The following ADGRV1 variants were observed in gnomAD, a reference collection of about 807,000 sequenced individuals.
The protein encoded by ADGRV1 is G-protein coupled receptor 98.
ADGRV1 carries 359 observed loss-of-function variants against 596.2 expected under a neutral mutation model. The observed-to-expected ratio is 0.60, with a 90% CI of 0.55 to 0.66. The LOEUF (loss-of-function observed/expected upper bound fraction) is 0.66, where lower values mean the gene tolerates loss of function less well. Among genes scored for constraint, ADGRV1 ranks in the 30% least tolerant of loss-of-function variants. The pLI, the probability that ADGRV1 is intolerant of heterozygous loss-of-function variation, is 0.00. For missense variants in ADGRV1, 7,274 were observed against 7,575.6 expected, an observed-to-expected ratio of 0.96 and a Z score of 1.48; for synonymous variants, 2,681 against 2,679.2, an observed-to-expected ratio of 1.00 and a Z score of -0.02.
chr5:90,915,031 A>G (rs1351018307), intron 83 of ADGRV1, among the ~76,000 whole-genome samples: 1 of 152,184 alleles, frequency 6.6e-6, no homozygotes, highest in Admixed American at 6.5e-5. Flanking sequence ...AATATACCAA[A>G]TATCTCCATA....
Position 90,647,593 on chromosome 5 carries a change from A to G in ADGRV1, c.3118A>G (p.Thr1040Ala). 2 of 1,613,952 alleles carry G rather than the reference A, an allele frequency of 1.2e-6. No homozygotes were observed. The highest frequency in any genetic ancestry group is 1.7e-6 in the Non-Finnish European group (2 of 1,179,850). ...VDVTCMVQYA[T>A]KDGKATARER... ...TGTGACTTGCATGGTCCAGTATGCT[A>G]CCAAGGATGGGAAGGCTACTGCAAG... The change falls in exon 17 of 90, where the codon ACC becomes GCC. Residue 1040 changes from threonine to alanine, a missense_variant. This residue lies in a region of ADGRV1 where 1,715 missense variants were observed against 1,708.8 expected (regional missense o/e 1.00). Coordinates refer to ENST00000405460, the MANE Select transcript of ADGRV1 (RefSeq NM_032119.4).
intron 1 of ADGRV1, among the ~76,000 whole-genome samples, chr5:90,588,472 C>T (rs79257813): frequency 0.016 from 2,390 of 152,194 alleles, 32 homozygotes; most frequent in Non-Finnish European, 0.022. Flanking sequence ...ATTTGGGAGA[C>T]GGTATTTTAA....
At chr5:90,618,525 A>G (rs1192676217) in intron 3 of ADGRV1, among the ~76,000 whole-genome samples, 4 of 152,154 alleles carry the variant, frequency 2.6e-5, no homozygotes, top group Admixed American at 6.6e-5. Flanking sequence ...TGTTTGTGAA[A>G]ATTACACTTG....
At chr5:91,154,022 A>G (rs752198083) in intron 89 of ADGRV1, among the ~76,000 whole-genome samples, 1 of 152,256 alleles carries the variant, frequency 6.6e-6, no homozygotes, top group Non-Finnish European at 1.5e-5. Flanking sequence ...CCTGGGTGAA[A>G]CAGTTAGTGG....
chr5:90,875,538 A>G (rs898674791), intron 83 of ADGRV1, among the ~76,000 whole-genome samples: 1 of 152,212 alleles, frequency 6.6e-6, no homozygotes, highest in African/African-American at 2.4e-5. Context: ...TCAAAAGTCC[A>G]TAGAAGCAGA....
chr5:91,057,837 A>T (rs1210993904), intron 85 of ADGRV1, among the ~76,000 whole-genome samples: 1 of 152,116 alleles, frequency 6.6e-6, no homozygotes, highest in Non-Finnish European at 1.5e-5. Flanking sequence ...TTTTTGTATT[A>T]TGCAAAAATG....
At chr5:90,808,973 G>A (rs536801730) in intron 73 of ADGRV1, among the ~76,000 whole-genome samples, 21 of 148,504 alleles carry the variant, frequency 1.4e-4, no homozygotes, top group Non-Finnish European at 2.4e-4. Context: ...TTGAGATGGA[G>A]ACTCGCTCTT....
rs59737743 is a variant in ADGRV1, at chr5:90,658,297, G to T, written c.4752+19G>T. On this transcript the variant is annotated intron_variant, in intron 21 of 89. Transcript: ENST00000405460. The stretch of plus-strand genomic sequence containing the variant: ...ACCAGAGGTAAGTAGTGAGCTTGGA[G>T]AATTTTGGATTTAAAAATTCATTGT... 5.9e-3 allele frequency: 8,657 copies of T among 1,463,830 alleles called. 400 individuals are homozygous for T. The African/African-American group carries it at 0.11, about 18-fold the overall frequency. 90.7% of individuals were successfully genotyped at this position (1,463,830 alleles called of 1,614,324 possible).
chr5:91,108,031 G>A (rs4398666), intron 87 of ADGRV1, among the ~76,000 whole-genome samples: 10,087 of 152,096 alleles, frequency 0.066, 1,077 homozygotes, highest in African/African-American at 0.23. Context: ...TTCAATCCAG[G>A]TGACATTACT....
intron 85 of ADGRV1, among the ~76,000 whole-genome samples, chr5:91,030,412 T>C (rs1308362827): frequency 1.3e-5 from 2 of 152,252 alleles, no homozygotes; most frequent in East Asian, 3.9e-4. Context: ...TACAGTTTTT[T>C]TAAGATGGAG....
chr5:91,069,961 C>T (rs1026258310), intron 85 of ADGRV1, among the ~76,000 whole-genome samples: 2 of 150,250 alleles, frequency 1.3e-5, no homozygotes, highest in African/African-American at 4.9e-5. Context: ...ATGTCCTTTG[C>T]GACAGCATGG....
chr5:90,942,699 A>G (rs963335084), intron 83 of ADGRV1, among the ~76,000 whole-genome samples: 1 of 152,154 alleles, frequency 6.6e-6, no homozygotes, highest in African/African-American at 2.4e-5. Flanking sequence ...ATCATTCCTT[A>G]TGGCAAGGAC....
At chr5:91,162,159 C>T (rs1015485666) in intron 89 of ADGRV1, among the ~76,000 whole-genome samples, 5 of 152,164 alleles carry the variant, frequency 3.3e-5, no homozygotes, top group African/African-American at 7.2e-5. Context: ...GGCAGGTTCA[C>T]GACTTAGGAT....
rs1008312227 is a variant in ADGRV1 at position 90,706,534 on chromosome 5, C to T, written c.8730+140C>T. The stretch of plus-strand genomic sequence containing the variant: ...ACATGTGCCATGTTGGTGTGCTGCA[C>T]CCATTAACTCGATAACTCATATATT... On this transcript the variant is annotated intron_variant, in intron 38 of 89. Coordinates refer to ENST00000405460, the MANE Select transcript of ADGRV1 (RefSeq NM_032119.4). The T allele has an allele frequency of 7.5e-6, 5 of 670,854 alleles. No homozygotes were observed. In the Admixed American group the frequency reaches 1.7e-4, roughly 23 times the overall value. 41.6% of individuals were successfully genotyped at this position (670,854 alleles called of 1,614,324 possible).
chr5:91,159,531 GTTTTAAGT>G (rs1796768661), intron 89 of ADGRV1, among the ~76,000 whole-genome samples: 1 of 152,056 alleles, frequency 6.6e-6, no homozygotes. Flanking sequence ...CACTATTGAC[GTTTTAAGT>G]TTTTAAGTTA....
intron 71 of ADGRV1, among the ~76,000 whole-genome samples, 188 bp downstream of exon 71, chr5:90,803,070 G>T (rs1397989474): frequency 6.6e-6 from 1 of 151,814 alleles, no homozygotes; most frequent in African/African-American, 2.4e-5. Context: ...TCAACATTCA[G>T]TAGGAAAAAA....
intron 85 of ADGRV1, among the ~76,000 whole-genome samples, chr5:91,018,642 A>C (rs1783375234): frequency 6.6e-6 from 1 of 152,012 alleles, no homozygotes. Flanking sequence ...TTAAGAAATT[A>C]ATCTTAAATC....
intron 37 of ADGRV1, 126 bp downstream of exon 37, chr5:90,705,705 A>G: frequency 1.4e-6 from 1 of 703,410 alleles, no homozygotes; most frequent in South Asian, 2.0e-5. Flanking sequence ...TTCATTCAGG[A>G]CAGAACTTTA....
chr5:91,011,403 G>A (rs1782708377), intron 85 of ADGRV1, among the ~76,000 whole-genome samples: 1 of 151,842 alleles, frequency 6.6e-6, no homozygotes, highest in Admixed American at 6.6e-5. Context: ...TTGTGTGTCT[G>A]TTTCTCTTTC....
Sources: allele counts gnomAD v4.1 joint callset (sites outside exome capture counted in the v4.1 genomes callset), GRCh38; gene constraint gnomAD v4.1.1; regional missense constraint gnomAD v4.1.1; transcripts MANE v1.5; gene names NCBI Gene and HGNC (gene_info 2026-07-23, HGNC 2026-07-21).